The following CCT6B variants were observed in gnomAD, a reference collection of about 807,000 sequenced individuals.
CCT6B encodes the protein probable T-complex protein 1 subunit zeta-2.
Under a neutral mutation model 61.5 loss-of-function variants are expected in CCT6B, and 49 were observed. The ratio of observed to expected loss-of-function variants is 0.80; its 90% CI spans 0.63 to 1.01. CCT6B has a LOEUF of 1.01. Ranked by LOEUF, CCT6B falls within the 50% of genes least tolerant of loss-of-function variation. CCT6B has a pLI of 0.00. For missense variants in CCT6B, 666 were observed against 634.7 expected, an observed-to-expected ratio of 1.05 and a Z score of -0.53; for synonymous variants, 228 against 214.5, an observed-to-expected ratio of 1.06 and a Z score of -0.55.
rs577791632 is a variant in CCT6B at position 34,927,970 on chromosome 17, C to T, written c.*78G>A. ...TTTATTGTGTAGAAATTCAGAATGG[C>T]TCAGGCTACACAATAGTAGTCAGAT... On this transcript the variant is annotated 3_prime_UTR_variant, in exon 14 of 14. Transcript: ENST00000314144. 1.5e-5 allele frequency: 15 copies of T among 977,104 alleles called. No individual in the cohort carries two copies. The South Asian group carries it at 2.0e-4, about 13-fold the overall frequency. 60.5% of individuals were successfully genotyped at this position (977,104 alleles called of 1,614,324 possible). A position where few individuals can be genotyped will look rare whatever the true frequency, so the allele number is the denominator to read the frequency against.
At chr17:34,935,553 T>A (rs1408357115) in intron 10 of CCT6B, among the ~76,000 whole-genome samples, 1 of 152,190 alleles carries the variant, frequency 6.6e-6, no homozygotes, top group Non-Finnish European at 1.5e-5. Flanking sequence ...TGTAATTTAC[T>A]GTACGAGAAA....
At chr17:34,933,955 C>T (rs144467273) in intron 10 of CCT6B, among the ~76,000 whole-genome samples, 4,001 of 151,586 alleles carry the variant, frequency 0.026, 71 homozygotes, top group East Asian at 0.091. Flanking sequence ...ACAGTGAGAC[C>T]CCATCTCTAC....
intron 9 of CCT6B, 140 bp downstream of exon 9, chr17:34,939,477 T>G: frequency 1.2e-6 from 1 of 829,110 alleles, no homozygotes; most frequent in Non-Finnish European, 1.9e-6. Context: ...TAACAAACAT[T>G]TAGGTAAATA....
At position 34,952,003 on chromosome 17, in the gene CCT6B, A is replaced by G; in HGVS notation, c.561T>C (p.Asp187=). 1 of 1,610,436 alleles carries G rather than the reference A, an allele frequency of 6.2e-7. No homozygotes were observed. The highest frequency in any genetic ancestry group is 8.5e-7 in the Non-Finnish European group (1 of 1,177,436). ...LAVRRPGYPI[D]LFMVEIMEMK... is the part of the protein sequence containing the mutation. ...TCTCCATTATTTCTACCATGAAGAG[A>G]TCAATAGGGTAACCTGGTCTTCTAA... Residue 187 remains aspartate (D), a synonymous_variant, in exon 5 of 14, where the codon GAT becomes GAC. Transcript: ENST00000314144.
At chr17:34,949,299 A>G (rs1443542109) in intron 5 of CCT6B, among the ~76,000 whole-genome samples, 1 of 151,928 alleles carries the variant, frequency 6.6e-6, no homozygotes, top group Non-Finnish European at 1.5e-5. Context: ...CTACTAAAAA[A>G]AAAATACAAA....
At position 34,939,348 on chromosome 17, in the gene CCT6B, AAT is replaced by A; in HGVS notation, c.1066-20_1066-19del. On this transcript the variant is annotated intron_variant, in intron 9 of 13. Transcript: ENST00000314144. The stretch of plus-strand genomic sequence containing the variant: ...TCTTCACCCTAAAGGGTGGCACAAA[AAT>A]ATATAACTTTAATATTTGATGTCAT... 1 of 1,586,584 alleles carries A rather than the reference AAT, an allele frequency of 6.3e-7. No individual in the cohort carries two copies. The highest frequency in any genetic ancestry group is 8.6e-7 in the Non-Finnish European group (1 of 1,161,034).
chr17:34,944,449 T>G (rs185412985), intron 5 of CCT6B: 2 of 152,268 alleles, frequency 1.3e-5, no homozygotes, highest in East Asian at 3.9e-4. Flanking sequence ...ATTCCTATCA[T>G]TAATACAAAA....
chr17:34,939,067 G>C, intron 10 of CCT6B, 116 bp downstream of exon 10: 1 of 862,180 alleles, frequency 1.2e-6, no homozygotes, highest in African/African-American at 1.7e-5. Context: ...CTGGGCAACA[G>C]AGGAAGACTC....
intron 5 of CCT6B, chr17:34,943,758 G>A (rs1461674327): frequency 6.8e-6 from 1 of 146,112 alleles, no homozygotes; most frequent in Non-Finnish European, 1.5e-5. Context: ...AAAACTTAAA[G>A]TATAATAAAA....
In CCT6B at chr17:34,942,582, C is replaced by G; in HGVS notation, c.787G>C (p.Glu263Gln). 6.2e-7 allele frequency: 1 copy of G among 1,608,010 alleles called. No homozygotes were observed. Among genetic ancestry groups the G allele is most frequent in the East Asian group, 2.2e-5 (1 of 44,718 alleles). ...ACTCTATCTTCAATAAATTTTCTTT[C>G]AGCTTTTACCAATTTCTCTTTCTCT... is the stretch of plus-strand genomic sequence containing the variant. ...AEEKEKLVKA[E>Q]RKFIEDRVQK... Residue 263 changes from glutamate to glutamine, a missense_variant, in exon 7 of 14, where the codon GAA becomes CAA. Physicochemically the swap from Glu to Gln is conservative, Grantham distance 29. Transcript: ENST00000314144.
intron 7 of CCT6B, 107 bp downstream of exon 7, chr17:34,942,377 C>T (rs1045725679): frequency 1.3e-6 from 1 of 794,150 alleles, no homozygotes; most frequent in South Asian, 1.7e-5. Flanking sequence ...TTTGACCTCA[C>T]AGACTCTCTG....
intron 7 of CCT6B, among the ~76,000 whole-genome samples, chr17:34,940,824 C>T (rs1375126101): frequency 6.6e-6 from 1 of 151,796 alleles, no homozygotes; most frequent in African/African-American, 2.4e-5. Flanking sequence ...ATAATAAGCC[C>T]ATTTTATGTT....
chr17:34,948,921 G>C (rs1449516145), intron 5 of CCT6B, among the ~76,000 whole-genome samples: 1 of 151,658 alleles, frequency 6.6e-6, no homozygotes, highest in Admixed American at 6.6e-5. Flanking sequence ...TGTAGTCCCA[G>C]CTACTCAAGA....
intron 8 of CCT6B, 136 bp downstream of exon 8, chr17:34,940,403 T>G (rs1384821482): frequency 1.8e-6 from 1 of 559,418 alleles, no homozygotes; most frequent in Non-Finnish European, 3.2e-6. Flanking sequence ...TTACTGAAAC[T>G]AAAAACAAAA....
At chr17:34,952,412 A>G (rs570019081) in intron 4 of CCT6B, among the ~76,000 whole-genome samples, 5 of 152,296 alleles carry the variant, frequency 3.3e-5, no homozygotes, top group African/African-American at 1.2e-4. Context: ...CTATCATACC[A>G]AGACTATCCA....
At chr17:34,956,178 T>C (rs1350794963) in intron 3 of CCT6B, among the ~76,000 whole-genome samples, 1 of 152,202 alleles carries the variant, frequency 6.6e-6, no homozygotes, top group Non-Finnish European at 1.5e-5. Context: ...CACTTCCCTC[T>C]CCAGCCTCTT....
At chr17:34,930,269 CT>C (rs1430157325) in intron 12 of CCT6B, among the ~76,000 whole-genome samples, 1 of 152,160 alleles carries the variant, frequency 6.6e-6, no homozygotes, top group Non-Finnish European at 1.5e-5. Flanking sequence ...ACGAGACTGT[CT>C]CATAAATTAA....
intron 5 of CCT6B, among the ~76,000 whole-genome samples, chr17:34,951,398 T>C (rs905473911): frequency 6.6e-6 from 1 of 152,184 alleles, no homozygotes; most frequent in African/African-American, 2.4e-5. Flanking sequence ...TGTTAGAAAT[T>C]GATAAAGATA....
At chr17:34,954,883 A>T (rs2090331667) in intron 3 of CCT6B, among the ~76,000 whole-genome samples, 1 of 152,232 alleles carries the variant, frequency 6.6e-6, no homozygotes, top group Admixed American at 6.5e-5. Context: ...GGCACACATA[A>T]AAAGATTCCT....
Sources: gnomAD v4.1 joint callset for allele counts (sites outside exome capture counted in the v4.1 genomes callset) on GRCh38, gnomAD v4.1.1 for gene constraint, MANE v1.5 for transcripts, NCBI Gene and HGNC (gene_info 2026-07-23, HGNC 2026-07-21) for gene names.